The following SNTG1 variants were observed in gnomAD, a reference collection of about 807,000 sequenced individuals.
SNTG1 encodes gamma-1-syntrophin.
In SNTG1, 39 loss-of-function variants were observed where a neutral mutation model predicts 74.7. The observed-to-expected ratio is 0.52, with a 90% CI of 0.40 to 0.68. The LOEUF (loss-of-function observed/expected upper bound fraction) is 0.68, where lower values mean the gene tolerates loss of function less well. Ranked by LOEUF, SNTG1 falls within the 30% of genes least tolerant of loss-of-function variation. The pLI, the probability that SNTG1 is intolerant of heterozygous loss-of-function variation, is 0.00. For missense variants in SNTG1, 685 were observed against 609.5 expected, an observed-to-expected ratio of 1.12 and a Z score of -1.30; for synonymous variants, 254 against 217.1, an observed-to-expected ratio of 1.17 and a Z score of -1.49.
intron 2 of SNTG1, among the ~76,000 whole-genome samples, chr8:50,233,902 G>A (rs2085760243): frequency 6.6e-6 from 1 of 151,818 alleles, no homozygotes; most frequent in Non-Finnish European, 1.5e-5. Context: ...AACTCCAAAT[G>A]CTGGTAAAGA....
intron 15 of SNTG1, among the ~76,000 whole-genome samples, chr8:50,690,985 C>A (rs1585545060): frequency 6.6e-6 from 1 of 152,112 alleles, no homozygotes. Context: ...TTGAATTGAA[C>A]CTTTTACCAT....
intron 1 of SNTG1, among the ~76,000 whole-genome samples, chr8:50,161,503 G>A (rs149489306): frequency 5.3e-5 from 8 of 152,292 alleles, no homozygotes; most frequent in East Asian, 3.9e-4. Flanking sequence ...GCATGTTTTC[G>A]TAGGGAAAGG....
intron 17 of SNTG1, among the ~76,000 whole-genome samples, chr8:50,727,322 C>A (rs1185354519): frequency 6.6e-6 from 1 of 152,132 alleles, no homozygotes; most frequent in African/African-American, 2.4e-5. Context: ...AAATTCACTT[C>A]AAATATATCA....
chr8:50,290,815 A>G (rs532657438), intron 2 of SNTG1, among the ~76,000 whole-genome samples: 93 of 151,968 alleles, frequency 6.1e-4, no homozygotes, highest in African/African-American at 2.1e-3. Context: ...CTGGAGTGCA[A>G]TGGCGTGATC....
chr8:50,061,806 T>C (rs1046115235), intron 1 of SNTG1, among the ~76,000 whole-genome samples: 2 of 152,198 alleles, frequency 1.3e-5, no homozygotes, highest in Non-Finnish European at 2.9e-5. Context: ...TATTGATATC[T>C]AGCTTGATGC....
chr8:50,016,838 CA>C (rs1816366465), intron 1 of SNTG1, among the ~76,000 whole-genome samples: 1 of 151,966 alleles, frequency 6.6e-6, no homozygotes, highest in African/African-American at 2.4e-5. Context: ...TATCAAACAG[CA>C]AATTCCACCA....
At chr8:50,628,354 A>G (rs1001546526) in intron 13 of SNTG1, among the ~76,000 whole-genome samples, 4 of 152,072 alleles carry the variant, frequency 2.6e-5, no homozygotes, top group Non-Finnish European at 5.9e-5. Context: ...TGTTCATTTA[A>G]TTGGTAGATG....
chr8:50,529,621 A>C (rs1394909064), intron 9 of SNTG1, among the ~76,000 whole-genome samples: 1 of 152,110 alleles, frequency 6.6e-6, no homozygotes, highest in Non-Finnish European at 1.5e-5. Flanking sequence ...TCTTTAAAAA[A>C]TAGATATTAG....
intron 2 of SNTG1, among the ~76,000 whole-genome samples, chr8:50,256,785 C>CGTGT (rs66472803): frequency 6.6e-6 from 1 of 150,748 alleles, no homozygotes; most frequent in African/African-American, 2.4e-5. Context: ...GGTGTGTGTG[C>CGTGT]GTGTGTGTGT....
At chr8:49,983,899 G>T (rs1386386482) in intron 1 of SNTG1, among the ~76,000 whole-genome samples, 1 of 152,176 alleles carries the variant, frequency 6.6e-6, no homozygotes, top group African/African-American at 2.4e-5. Flanking sequence ...GATGAATGGG[G>T]GGTACTGTTA....
At chr8:50,133,551 T>C (rs2081380633) in intron 1 of SNTG1, among the ~76,000 whole-genome samples, 1 of 152,124 alleles carries the variant, frequency 6.6e-6, no homozygotes, top group Admixed American at 6.6e-5. Flanking sequence ...AGGCTAGAAA[T>C]CTAACATCAG....
At chr8:50,695,259 A>G (rs1246961381) in intron 15 of SNTG1, among the ~76,000 whole-genome samples, 5 of 151,944 alleles carry the variant, frequency 3.3e-5, no homozygotes, top group Non-Finnish European at 5.9e-5. Context: ...GGAAAGTTAC[A>G]GGATACAATA....
At chr8:50,482,384 G>A (rs751416035) in intron 8 of SNTG1, among the ~76,000 whole-genome samples, 22 of 152,206 alleles carry the variant, frequency 1.4e-4, no homozygotes, top group African/African-American at 2.9e-4. Flanking sequence ...CAGCTTCCCC[G>A]TCCCCGCCTA....
chr8:49,998,471 C>T (rs1415697385), intron 1 of SNTG1, among the ~76,000 whole-genome samples: 2 of 152,026 alleles, frequency 1.3e-5, no homozygotes, highest in Non-Finnish European at 2.9e-5. Flanking sequence ...CAAAGCTTAA[C>T]ACACAGACAC....
At chr8:50,126,583 A>T (rs2081146903) in intron 1 of SNTG1, among the ~76,000 whole-genome samples, 1 of 152,038 alleles carries the variant, frequency 6.6e-6, no homozygotes, top group African/African-American at 2.4e-5. Context: ...TATATAAAGC[A>T]TATATACATT....
chr8:50,779,890 T>C (rs1563831732), intron 18 of SNTG1, among the ~76,000 whole-genome samples: 1 of 146,692 alleles, frequency 6.8e-6, no homozygotes, highest in Non-Finnish European at 1.5e-5. Context: ...AATACCTAAT[T>C]TATTGAGAGT....
chr8:50,727,470 C>T (rs940094863), intron 17 of SNTG1, among the ~76,000 whole-genome samples: 1 of 152,132 alleles, frequency 6.6e-6, no homozygotes, highest in Non-Finnish European at 1.5e-5. Flanking sequence ...ACCACAATAT[C>T]CACTGCAGTG....
chr8:50,711,000 C>G (rs1183433454), intron 17 of SNTG1, among the ~76,000 whole-genome samples: 2 of 152,098 alleles, frequency 1.3e-5, no homozygotes, highest in African/African-American at 4.8e-5. Flanking sequence ...GTTATATTAT[C>G]CATCACTGAT....
rs60947505 is a variant in SNTG1 at position 50,053,623 on chromosome 8, T to TTGTGTGTGTGTGTGTGTGTG, written c.-102-118922_-102-118903dup. Reference sequence around the variant, plus strand: ...TATGCATATATATAAATATATATAATTGTGTGTGTGTGTGTGTGTGTGTGT... The same window carrying TTGTGTGTGTGTGTGTGTGTG: ...TATGCATATATATAAATATATATAATTGTGTGTGTGTGTGTGTGTGTGTGTGTGTGTGTGTGTGTGTGTGT... On this transcript the variant is annotated intron_variant, in intron 1 of 18. Transcript: ENST00000642720. Among the ~76,000 whole-genome samples, 1,186 of 134,408 alleles carry TTGTGTGTGTGTGTGTGTGTG rather than the reference T, an allele frequency of 8.8e-3. 28 individuals carry two copies. Among genetic ancestry groups the TTGTGTGTGTGTGTGTGTGTG allele is most frequent in the Admixed American group, 0.029 (378 of 12,984 alleles). 88.2% of individuals were successfully genotyped at this position (134,408 alleles called of 152,430 possible).
Sources: allele counts gnomAD v4.1 joint callset (sites outside exome capture counted in the v4.1 genomes callset), GRCh38; gene constraint gnomAD v4.1.1; transcripts MANE v1.5; gene names NCBI Gene and HGNC (gene_info 2026-07-23, HGNC 2026-07-21).